The following JADE2 variants were observed in gnomAD, a reference collection of about 807,000 sequenced individuals.
The protein encoded by JADE2 is E3 ubiquitin-protein ligase Jade-2.
A neutral mutation model predicts 85.7 loss-of-function variants in JADE2; 13 were observed. That is an observed-to-expected ratio of 0.15 (90% CI 0.10 to 0.24). The LOEUF is 0.24. Ranked by LOEUF, JADE2 falls within the 10% of genes least tolerant of loss-of-function variation. The pLI is 1.00. For missense variants in JADE2, 846 were observed against 1,115.9 expected, an observed-to-expected ratio of 0.76 and a Z score of 3.45; for synonymous variants, 440 against 456.1, an observed-to-expected ratio of 0.96 and a Z score of 0.45.
intron 3 of JADE2, among the ~76,000 whole-genome samples, chr5:134,550,877 G>T (rs924692298): frequency 6.6e-6 from 1 of 152,238 alleles, no homozygotes; most frequent in African/African-American, 2.4e-5. Context: ...TTGCTCTGAG[G>T]GGTTTGGATG....
intron 1 of JADE2, chr5:134,526,464 C>T (rs1417230139): frequency 2.0e-6 from 2 of 984,994 alleles, no homozygotes; most frequent in Admixed American, 1.2e-4. Flanking sequence ...GGCGGGGGCT[C>T]CGAGAACCTG....
At chr5:134,532,986 A>G (rs908158456) in intron 1 of JADE2, among the ~76,000 whole-genome samples, 1 of 152,194 alleles carries the variant, frequency 6.6e-6, no homozygotes, top group South Asian at 2.1e-4. Context: ...ATAGCCTCCC[A>G]TGGGACAGCC....
In JADE2 at chr5:134,566,366, T is replaced by C. The variant is rs1337697959; in HGVS notation, c.1220T>C (p.Leu407Pro). 2 of 1,613,832 alleles carry C rather than the reference T, an allele frequency of 1.2e-6. No homozygotes were observed. The highest frequency in any genetic ancestry group is 1.7e-6 in the Non-Finnish European group (2 of 1,179,996). ...LQQLEEDFYE[L>P]VEPAEVAERL... ...CAGCTAGAGGAGGACTTCTACGAGC[T>C]GGTGGAGCCGGCTGAGGTGGCTGAG... The change falls in exon 9 of 12, where the codon CTG becomes CCG. Residue 407 changes from leucine to proline, a missense_variant. Coordinates refer to ENST00000681547, the MANE Select transcript of JADE2 (RefSeq NM_001388185.1). This position sits in a 1 kb window ranked among gnomAD's most constrained non-coding sequence, Gnocchi z 6.7.
At position 134,580,609 on chromosome 5, in the gene JADE2, C is replaced by G. The variant is rs964870694; in HGVS notation, c.*1292C>G. On this transcript the variant is annotated 3_prime_UTR_variant, in exon 12 of 12. Transcript: ENST00000681547. ...TGATGAATTACTCCTGGGTCACTTC[C>G]ACCACTGGTAAAGCCAGAACTTCTC... is the stretch of plus-strand genomic sequence containing the variant. The G allele has an allele frequency of 6.6e-6, 1 of 152,122 alleles. No individual in the cohort carries two copies. The highest frequency in any genetic ancestry group is 2.4e-5 in the African/African-American group (1 of 41,312). 9.4% of individuals were successfully genotyped at this position (152,122 alleles called of 1,614,324 possible).
rs886110455 is a variant in JADE2, at chr5:134,562,882, C to T, written c.852+515C>T. On this transcript the variant is annotated intron_variant, in intron 7 of 11. Coordinates refer to ENST00000681547, the MANE Select transcript of JADE2 (RefSeq NM_001388185.1). The surrounding 1 kb of genome is among the most constrained non-coding windows in gnomAD (Gnocchi z 4.6). ...TTGGACAGAGCTCAGGTGGTGACTT[C>T]TATGAGAAAATGGGGTTAGGGACCG... Among the ~76,000 whole-genome samples the T allele has an allele frequency of 1.3e-5, 2 of 152,172 alleles. No individual in the cohort carries two copies. Among genetic ancestry groups the T allele is most frequent in the African/African-American group, 4.8e-5 (2 of 41,424 alleles).
At position 134,566,302 on chromosome 5, in the gene JADE2, G is replaced by C; in HGVS notation, c.1156G>C (p.Asp386His). ...EPTEPSQAGE[D>H]LEKVTLRKQR... is the part of the protein sequence containing the mutation. ...CACGGAACCCAGCCAGGCTGGCGAG[G>C]ACCTGGAAAAGGTGACCCTGCGCAA... The change falls in exon 9 of 12, where the codon GAC becomes CAC. Residue 386 changes from aspartate to histidine, a missense_variant. By Grantham distance (81) the Asp-to-His change is moderately conservative. This residue lies in a region of JADE2 where 88 missense variants were observed against 140.6 expected (regional missense o/e 0.63). Transcript: ENST00000681547. This position sits in a 1 kb window ranked among gnomAD's most constrained non-coding sequence, Gnocchi z 6.7. 2 of 1,614,158 alleles carry C rather than the reference G, an allele frequency of 1.2e-6. No individual in the cohort carries two copies. Among genetic ancestry groups the C allele is most frequent in the Non-Finnish European group, 1.7e-6 (2 of 1,180,050 alleles).
intron 1 of JADE2, 99 bp downstream of exon 1, chr5:134,526,110 CTCTT>C (rs1760793952): frequency 1.0e-6 from 1 of 984,876 alleles, no homozygotes; most frequent in African/African-American, 1.7e-5. Flanking sequence ...CCCTCGCTCT[CTCTT>C]GCTCGCTCGC....
intron 2 of JADE2, among the ~76,000 whole-genome samples, chr5:134,537,618 C>A (rs1373482186): frequency 6.6e-6 from 1 of 152,164 alleles, no homozygotes; most frequent in Non-Finnish European, 1.5e-5. Flanking sequence ...TGGCATCATC[C>A]CAGAGTATTT....
chr5:134,552,112 G>A lies in JADE2; in HGVS notation c.214G>A (p.Asp72Asn). 6.2e-7 allele frequency: 1 copy of A among 1,614,216 alleles called. No individual in the cohort carries two copies. The highest frequency in any genetic ancestry group is 8.5e-7 in the Non-Finnish European group (1 of 1,180,034). The change falls in exon 4 of 12, where the codon GAT becomes AAT. Residue 72 changes from aspartate to asparagine, a missense_variant. Physicochemically the swap from Asp to Asn is conservative, Grantham distance 23 (BLOSUM62 1). Around this residue, in one of 9 missense-constraint regions of JADE2, gnomAD observed 44 missense variants for 92.0 expected, o/e 0.48. Transcript: ENST00000681547. ...CCCGGACTCATACCAGCTCAGCCCG[G>A]ATGACTACTACATCCTGGCAGACCC... ...KIPDSYQLSP[D>N]DYYILADPWR...
At chr5:134,539,690 G>A (rs1446276738) in intron 3 of JADE2, among the ~76,000 whole-genome samples, 1 of 152,262 alleles carries the variant, frequency 6.6e-6, no homozygotes, top group Non-Finnish European at 1.5e-5. Context: ...AGGGCAGAAA[G>A]GCCCAGAGTT....
At chr5:134,571,871 AG>A (rs1205953882) in intron 9 of JADE2, among the ~76,000 whole-genome samples, 1 of 152,056 alleles carries the variant, frequency 6.6e-6, no homozygotes, top group Non-Finnish European at 1.5e-5. Flanking sequence ...CCTCGTTCCC[AG>A]GCTCTGCCCT....
chr5:134,533,684 A>G (rs2149865730), intron 1 of JADE2: 4 of 437,526 alleles, frequency 9.1e-6, no homozygotes, highest in Non-Finnish European at 1.2e-5. Flanking sequence ...AGGAAGACGT[A>G]GGCTAGAATC....
At chr5:134,541,831 C>T (rs755254625) in intron 3 of JADE2, among the ~76,000 whole-genome samples, 2 of 152,230 alleles carry the variant, frequency 1.3e-5, no homozygotes, top group African/African-American at 4.8e-5. Context: ...ACCCTAAGGG[C>T]GCAAGCCAAG....
chr5:134,572,448 C>T (rs888148841), intron 9 of JADE2, among the ~76,000 whole-genome samples: 2 of 152,212 alleles, frequency 1.3e-5, no homozygotes, highest in Non-Finnish European at 2.9e-5. Flanking sequence ...TGGCTGCCCT[C>T]GGACTGGGAG....
chr5:134,525,619 CA>C, upstream of JADE2: 1 of 536,660 alleles, frequency 1.9e-6, no homozygotes, highest in Non-Finnish European at 2.8e-6. Context: ...CACCCCAACA[CA>C]TTTTTTTTTT....
chr5:134,544,729 TGA>T (rs1762188350), intron 3 of JADE2, among the ~76,000 whole-genome samples: 1 of 152,228 alleles, frequency 6.6e-6, no homozygotes, highest in East Asian at 1.9e-4. Flanking sequence ...GGAAGGGGCC[TGA>T]GAGAAGCCTC....
chr5:134,552,046 TCA>T lies in JADE2; in HGVS notation c.154-3_154-2del, dbSNP rs1762626572. ...AAGTCACTCTTTCCCCTCTTGCCCC[TCA>T]CAGGTTTTCCGGACAGACTTGATCA... On this transcript the variant is annotated splice_polypyrimidine_tract_variant and splice_region_variant and intron_variant, in intron 3 of 11. Coordinates refer to ENST00000681547, the MANE Select transcript of JADE2 (RefSeq NM_001388185.1). The T allele has an allele frequency of 1.2e-6, 2 of 1,614,068 alleles. No individual in the cohort carries two copies. The highest frequency in any genetic ancestry group is 1.7e-6 in the Non-Finnish European group (2 of 1,180,028).
chr5:134,531,066 G>T (rs1470991973), intron 1 of JADE2, among the ~76,000 whole-genome samples: 2 of 152,166 alleles, frequency 1.3e-5, no homozygotes, highest in African/African-American at 4.8e-5. Context: ...GTGGACACTG[G>T]GTGGTGAATT....
At chr5:134,553,039 G>C (rs2149939622) in intron 4 of JADE2, among the ~76,000 whole-genome samples, 1 of 140,558 alleles carries the variant, frequency 7.1e-6, no homozygotes, top group South Asian at 2.4e-4. Context: ...TGTTACCCAG[G>C]CTGGAGTGCA....
Sources: allele counts gnomAD v4.1 joint callset (sites outside exome capture counted in the v4.1 genomes callset), GRCh38; gene constraint gnomAD v4.1.1; regional missense constraint gnomAD v4.1.1; non-coding constraint Gnocchi (gnomAD v3.1); transcripts MANE v1.5; gene names NCBI Gene and HGNC (gene_info 2026-07-23, HGNC 2026-07-21).